The following ASPM variants were observed in gnomAD, a reference collection of about 807,000 sequenced individuals.
ASPM encodes assembly factor for spindle microtubules.
In ASPM, 256 loss-of-function variants were observed where a neutral mutation model predicts 366.4. The ratio of observed to expected loss-of-function variants is 0.70; its 90% CI spans 0.63 to 0.77. The LOEUF (loss-of-function observed/expected upper bound fraction) is 0.77, where lower values mean the gene tolerates loss of function less well. Among genes scored for constraint, ASPM ranks in the 30% least tolerant of loss-of-function variants. The pLI is 0.00. For missense variants in ASPM, 4,146 were observed against 4,090.4 expected, an observed-to-expected ratio of 1.01 and a Z score of -0.37; for synonymous variants, 1,414 against 1,342.9, an observed-to-expected ratio of 1.05 and a Z score of -1.16.
intron 16 of ASPM, among the ~76,000 whole-genome samples, chr1:197,118,293 G>T (rs1476630755): frequency 6.6e-6 from 1 of 152,048 alleles, no homozygotes; most frequent in Non-Finnish European, 1.5e-5. Flanking sequence ...GTGTAATGTG[G>T]TATGTTTCTC....
At chr1:197,134,980 C>T (rs1216762726) in intron 5 of ASPM, 116 bp downstream of exon 5, 4 of 860,728 alleles carry the variant, frequency 4.6e-6, no homozygotes, top group Non-Finnish European at 7.3e-6. Flanking sequence ...GGCTAATGAA[C>T]AGGGAATTAT....
chr1:197,127,434 GGC>G (rs1364520296), intron 10 of ASPM, among the ~76,000 whole-genome samples: 1 of 152,086 alleles, frequency 6.6e-6, no homozygotes, highest in Non-Finnish European at 1.5e-5. Context: ...GCTGTTTTGA[GGC>G]ATAGCAACTT....
chr1:197,124,948 TG>T lies in ASPM; in HGVS notation c.3089del (p.Thr1030LysfsTer22). The stretch of plus-strand genomic sequence containing the variant: ...TATCCACAATATCCTTAGATAGAAT[TG>T]TATTTCCTATAAAAGAAAAGGTTGT... ...GIELSDEHGN[T>X]ILSKDIVDRH... On this transcript the variant is annotated frameshift_variant, in exon 12 of 28. Coordinates refer to ENST00000367409, the MANE Select transcript of ASPM (RefSeq NM_018136.5). LOFTEE classifies it high-confidence loss of function. The T allele has an allele frequency of 6.2e-7, 1 of 1,611,090 alleles. No homozygotes were observed. The highest frequency in any genetic ancestry group is 1.1e-5 in the South Asian group (1 of 91,020).
chr1:197,091,373 T>C (rs1372403945), intron 22 of ASPM, among the ~76,000 whole-genome samples: 1 of 152,052 alleles, frequency 6.6e-6, no homozygotes, highest in Admixed American at 6.6e-5. Context: ...TATGTTAATG[T>C]ATATAAACAA....
chr1:197,138,781 G>T, intron 4 of ASPM: 1 of 735,420 alleles, frequency 1.4e-6, no homozygotes, highest in Non-Finnish European at 2.5e-6. Flanking sequence ...TCTTTGTATT[G>T]GTGCTCAGCT....
At position 197,146,123 on chromosome 1, in the gene ASPM, G is replaced by T; in HGVS notation, c.297+18C>A. On this transcript the variant is annotated intron_variant, in intron 1 of 27. Transcript: ENST00000367409. ...GAAGCAGAACACCGGCCTGGAGCAC[G>T]CTCCTCCTGAGACCTACCTGCAACA... The T allele has an allele frequency of 1.2e-6, 2 of 1,613,906 alleles. No individual in the cohort carries two copies. The highest frequency in any genetic ancestry group is 8.5e-7 in the Non-Finnish European group (1 of 1,179,904).
At chr1:197,132,387 T>A in intron 6 of ASPM, 35 bp from the exon 7 acceptor site, 1 of 1,573,940 alleles carries the variant, frequency 6.4e-7, no homozygotes, top group Non-Finnish European at 8.7e-7. Flanking sequence ...AAGTTCAAAT[T>A]GATAATCAAA....
chr1:197,125,337 CTG>C, intron 10 of ASPM, 146 bp from the exon 11 acceptor site: 1 of 1,005,246 alleles, frequency 9.9e-7, no homozygotes, highest in Admixed American at 2.2e-5. Flanking sequence ...TCTCAAAACT[CTG>C]TTGCTCCATA....
intron 4 of ASPM, chr1:197,139,078 C>T: frequency 1.3e-6 from 1 of 749,136 alleles, no homozygotes; most frequent in Non-Finnish European, 2.4e-6. Flanking sequence ...ATCTGTAAAG[C>T]CCATTTTCTG....
At chr1:197,138,756 T>C in intron 4 of ASPM, 1 of 722,164 alleles carries the variant, frequency 1.4e-6, no homozygotes, top group Non-Finnish European at 2.5e-6. Flanking sequence ...GATTATTTCT[T>C]ACGATGTTTG....
intron 9 of ASPM, among the ~76,000 whole-genome samples, chr1:197,128,949 T>A (rs955290880): frequency 1.3e-5 from 2 of 152,146 alleles, no homozygotes; most frequent in Admixed American, 1.3e-4. Flanking sequence ...CATAGTTTAA[T>A]CCATTTTCAA....
chr1:197,121,001 T>C (rs1448984685), intron 16 of ASPM, among the ~76,000 whole-genome samples: 1 of 152,182 alleles, frequency 6.6e-6, no homozygotes, highest in African/African-American at 2.4e-5. Flanking sequence ...TCAAAATTTA[T>C]CTGTTTTACA....
At chr1:197,087,953 G>A (rs2125086904) in intron 26 of ASPM, among the ~76,000 whole-genome samples, 1 of 152,260 alleles carries the variant, frequency 6.6e-6, no homozygotes, top group African/African-American at 2.4e-5. Context: ...GGTTACAACA[G>A]GAGGATAAGA....
rs754999927 is a variant in ASPM, at chr1:197,103,883, C to G, written c.5368G>C (p.Ala1790Pro). ...VIQNYYHAYK[A>P]QVNQRKNFLQ... is the part of the protein sequence containing the mutation. ...AAGTTCTTCCTCTGATTGACCTGTG[C>G]TTTGTATGCATGATAGTAATTCTGA... Residue 1790 changes from alanine to proline, a missense_variant, in exon 18 of 28, where the codon GCA (alanine) becomes CCA (proline). This residue lies in a region of ASPM where 3,624 missense variants were observed against 3,591.7 expected (regional missense o/e 1.01). Transcript: ENST00000367409. 1.2e-6 allele frequency: 2 copies of G among 1,612,816 alleles called. No individual in the cohort carries two copies. The highest frequency in any genetic ancestry group is 1.7e-6 in the Non-Finnish European group (2 of 1,179,284).
chr1:197,137,693 C>G (rs1296508468), intron 4 of ASPM, among the ~76,000 whole-genome samples: 1 of 152,210 alleles, frequency 6.6e-6, no homozygotes, highest in African/African-American at 2.4e-5. Context: ...GCCAGCCGGG[C>G]AGGTCACAAA....
rs905621949 is a variant in ASPM at position 197,133,708 on chromosome 1, C to T, written c.2174-113G>A. Reference sequence around the variant, plus strand: ...GTAAAAACATAATCTATTCCTCACCCACTCCAAGCTTACTCCTTAGGCCAA... The same window carrying T: ...GTAAAAACATAATCTATTCCTCACCTACTCCAAGCTTACTCCTTAGGCCAA... On this transcript the variant is annotated intron_variant, in intron 5 of 27. Coordinates refer to ENST00000367409, the MANE Select transcript of ASPM (RefSeq NM_018136.5). 45 of 1,293,450 alleles carry T rather than the reference C, an allele frequency of 3.5e-5. No homozygotes were observed. In the African/African-American group the frequency reaches 4.1e-4, roughly 12 times the overall value. 80.1% of individuals were successfully genotyped at this position (1,293,450 alleles called of 1,614,324 possible). A position where few individuals can be genotyped will look rare whatever the true frequency, so the allele number is the denominator to read the frequency against.
At position 197,143,952 on chromosome 1, in the gene ASPM, A is replaced by AT; in HGVS notation, c.441+4dup. The AT allele has an allele frequency of 6.2e-7, 1 of 1,603,052 alleles. No individual in the cohort carries two copies. Among genetic ancestry groups the AT allele is most frequent in the Non-Finnish European group, 8.5e-7 (1 of 1,170,514 alleles). ...GAGTAAATCACAGAATGGTTAAAAC[A>AT]TTACCTTTTTCTTTTTCTGCTCTTC... On this transcript the variant is annotated splice_donor_region_variant and intron_variant, in intron 2 of 27. Coordinates refer to ENST00000367409, the MANE Select transcript of ASPM (RefSeq NM_018136.5).
chr1:197,120,521 C>T (rs1482694806), intron 16 of ASPM, among the ~76,000 whole-genome samples: 1 of 151,960 alleles, frequency 6.6e-6, no homozygotes, highest in African/African-American at 2.4e-5. Context: ...CAGAGTGAGA[C>T]CTTGTCTCCA....
At chr1:197,123,069 A>G (rs1175366314) in intron 13 of ASPM, among the ~76,000 whole-genome samples, 1 of 152,154 alleles carries the variant, frequency 6.6e-6, no homozygotes, top group Non-Finnish European at 1.5e-5. Context: ...TGATTCAATA[A>G]CACTAACTCA....
Sources: gnomAD v4.1 joint callset for allele counts (sites outside exome capture counted in the v4.1 genomes callset) on GRCh38, gnomAD v4.1.1 for gene constraint, gnomAD v4.1.1 regional missense constraint, MANE v1.5 for transcripts, NCBI Gene and HGNC (gene_info 2026-07-23, HGNC 2026-07-21) for gene names.